The following NRG1 variants were observed in gnomAD, a reference collection of about 807,000 sequenced individuals.
NRG1 encodes pro-neuregulin-1, membrane-bound isoform.
Under a neutral mutation model 63.8 loss-of-function variants are expected in NRG1, and 18 were observed. The ratio of observed to expected loss-of-function variants is 0.28; its 90% CI spans 0.19 to 0.42. The LOEUF is 0.42. Ranked by LOEUF, NRG1 falls within the 10% of genes least tolerant of loss-of-function variation. NRG1 has a pLI of 1.00. For synonymous variants in NRG1, 302 were observed against 301.3 expected (o/e 1.00, Z -0.02); for missense variants, 762 against 814.7 (o/e 0.94, Z 0.79).
intron 1 of NRG1, among the ~76,000 whole-genome samples, chr8:32,065,834 C>T (rs979106990): frequency 6.6e-6 from 1 of 152,224 alleles, no homozygotes; most frequent in Non-Finnish European, 1.5e-5. Flanking sequence ...TCTCCACATC[C>T]TCTCTGGCAC....
At chr8:32,111,915 C>T (rs1832081267) in intron 1 of NRG1, among the ~76,000 whole-genome samples, 3 of 152,120 alleles carry the variant, frequency 2.0e-5, no homozygotes, top group Admixed American at 6.5e-5. Context: ...AGGTTTCTTA[C>T]TCTCTATATG....
At chr8:31,656,562 T>C (rs571930110) in intron 1 of NRG1, among the ~76,000 whole-genome samples, 30 of 152,322 alleles carry the variant, frequency 2.0e-4, no homozygotes, top group Admixed American at 3.3e-4. Flanking sequence ...TCTGAGGCTT[T>C]CTTTGGTGGT....
chr8:31,804,367 T>C (rs1186133823), intron 1 of NRG1, among the ~76,000 whole-genome samples: 1 of 152,140 alleles, frequency 6.6e-6, no homozygotes, highest in Non-Finnish European at 1.5e-5. Flanking sequence ...AAGTTGTTAC[T>C]CTCAGTCATG....
chr8:32,333,835 TA>T (rs1164173166), intron 1 of NRG1, among the ~76,000 whole-genome samples: 2 of 152,116 alleles, frequency 1.3e-5, no homozygotes, highest in Non-Finnish European at 2.9e-5. Flanking sequence ...GTTCTTCCCA[TA>T]AAAAAACTAA....
intron 1 of NRG1, among the ~76,000 whole-genome samples, chr8:32,393,153 T>C (rs557585790): frequency 4.6e-5 from 7 of 152,178 alleles, no homozygotes; most frequent in Non-Finnish European, 8.8e-5. Flanking sequence ...CTTTTTATGG[T>C]GAAATATGGC....
At chr8:31,864,761 A>G (rs1259681912) in intron 1 of NRG1, among the ~76,000 whole-genome samples, 1 of 152,196 alleles carries the variant, frequency 6.6e-6, no homozygotes, top group African/African-American at 2.4e-5. Context: ...AGGTGGCCTG[A>G]TAACACATGC....
At chr8:31,830,351 TTCCTTCCTTCCCTCCTTCCC>T (rs1210850702) in intron 1 of NRG1, among the ~76,000 whole-genome samples, 227 of 105,464 alleles carry the variant, frequency 2.2e-3, no homozygotes, top group African/African-American at 7.8e-3. Context: ...CCTTCCTTCC[TTCCTTCCTTCCCTCCTTCCC>T]TCCTTCCCTC....
chr8:31,983,238 T>A (rs893741798), intron 1 of NRG1, among the ~76,000 whole-genome samples: 15 of 152,090 alleles, frequency 9.9e-5, no homozygotes, highest in African/African-American at 3.6e-4. Context: ...ATTTCTCACA[T>A]GTGAATCTTT....
intron 1 of NRG1, among the ~76,000 whole-genome samples, chr8:31,885,753 C>T (rs1830671084): frequency 6.6e-6 from 1 of 152,064 alleles, no homozygotes; most frequent in Non-Finnish European, 1.5e-5. Context: ...CTTCCTTATG[C>T]AGTTGTGTTT....
At chr8:31,717,602 C>T (rs1812486217) in intron 1 of NRG1, among the ~76,000 whole-genome samples, 1 of 152,032 alleles carries the variant, frequency 6.6e-6, no homozygotes, top group Admixed American at 6.6e-5. Flanking sequence ...ATACTCACTT[C>T]CCTAAGAATA....
At chr8:32,477,551 C>A (rs998218055) in intron 1 of NRG1, among the ~76,000 whole-genome samples, 1 of 152,136 alleles carries the variant, frequency 6.6e-6, no homozygotes, top group Admixed American at 6.5e-5. Context: ...GATATGGCCC[C>A]TTGTTCAAGA....
intron 1 of NRG1, among the ~76,000 whole-genome samples, chr8:32,519,428 T>C (rs1830129230): frequency 6.6e-6 from 1 of 152,006 alleles, no homozygotes; most frequent in African/African-American, 2.4e-5. Context: ...AACTGATTTT[T>C]TTTTTTGAGG....
At chr8:32,237,543 T>C (rs1055411678) in intron 1 of NRG1, among the ~76,000 whole-genome samples, 1 of 152,160 alleles carries the variant, frequency 6.6e-6, no homozygotes, top group Non-Finnish European at 1.5e-5. Context: ...AACTAGCTTA[T>C]TTTTCCTAGT....
chr8:31,697,197 G>A (rs993388579), intron 1 of NRG1, among the ~76,000 whole-genome samples: 3 of 152,164 alleles, frequency 2.0e-5, no homozygotes, highest in Non-Finnish European at 4.4e-5. Context: ...TTTACTTAAT[G>A]TGTGGGTTGT....
intron 1 of NRG1, among the ~76,000 whole-genome samples, chr8:31,816,271 A>G (rs1183560620): frequency 6.6e-6 from 1 of 152,176 alleles, no homozygotes; most frequent in Non-Finnish European, 1.5e-5. Flanking sequence ...GGGGGAACAC[A>G]TGTCCTTAGC....
intron 1 of NRG1, among the ~76,000 whole-genome samples, chr8:31,957,367 TG>T (rs767024056): frequency 3.9e-5 from 6 of 152,278 alleles, no homozygotes; most frequent in South Asian, 4.2e-4. Context: ...CAGAAAAATA[TG>T]GTGCACTGGG....
chr8:32,079,081 C>G (rs1391495789), intron 1 of NRG1, among the ~76,000 whole-genome samples: 1 of 151,484 alleles, frequency 6.6e-6, no homozygotes, highest in Non-Finnish European at 1.5e-5. Flanking sequence ...GCAAGGATCC[C>G]CAGTTATGCT....
chr8:31,802,696 C>T (rs986598946), intron 1 of NRG1, among the ~76,000 whole-genome samples: 2 of 152,130 alleles, frequency 1.3e-5, no homozygotes, highest in Admixed American at 1.3e-4. Context: ...CTTTTGGACC[C>T]TAAGAGAAAT....
intron 1 of NRG1, among the ~76,000 whole-genome samples, chr8:32,304,593 TA>T (rs34519029): frequency 0.3 from 44,967 of 151,856 alleles, 7,716 homozygotes; most frequent in South Asian, 0.45. Flanking sequence ...GTATTCTTAG[TA>T]AAAAAAATAT....
Sources: allele counts gnomAD v4.1 joint callset (sites outside exome capture counted in the v4.1 genomes callset), GRCh38; gene constraint gnomAD v4.1.1; transcripts MANE v1.5; gene names NCBI Gene and HGNC (gene_info 2026-07-23, HGNC 2026-07-21).